DNAH11: variants seen among roughly 807,000 people sequenced by gnomAD.
DNAH11 encodes the protein dynein axonemal heavy chain 11, also known as axonemal beta dynein heavy chain 11.
A neutral mutation model predicts 526.0 loss-of-function variants in DNAH11; 442 were observed. The observed-to-expected ratio is 0.84, with a 90% CI of 0.78 to 0.91. DNAH11 has a LOEUF of 0.91. DNAH11 is among the 40% of genes least tolerant of loss of function. DNAH11 has a pLI of 0.00. For missense variants in DNAH11, 6,989 were observed against 5,448.7 expected, an observed-to-expected ratio of 1.28 and a Z score of -8.90; for synonymous variants, 2,461 against 1,935.9, an observed-to-expected ratio of 1.27 and a Z score of -7.12.
intron 79 of DNAH11, among the ~76,000 whole-genome samples, chr7:21,896,341 T>C (rs998764511): frequency 6.6e-6 from 1 of 152,164 alleles, no homozygotes; most frequent in African/African-American, 2.4e-5. Flanking sequence ...TCCTTCTTGA[T>C]TGATAGTTTA....
At chr7:21,746,758 T>A (rs1374896275) in intron 51 of DNAH11, among the ~76,000 whole-genome samples, 2 of 152,188 alleles carry the variant, frequency 1.3e-5, no homozygotes, top group African/African-American at 2.4e-5. Context: ...GTTGGTAGTT[T>A]TATTGATCCC....
chr7:21,775,867 C>T (rs781289609), intron 56 of DNAH11, among the ~76,000 whole-genome samples: 13 of 152,168 alleles, frequency 8.5e-5, no homozygotes, highest in Non-Finnish European at 1.6e-4. Flanking sequence ...AACCTGTTGA[C>T]TTTGCCCACT....
chr7:21,787,511 C>CCTGATT lies in DNAH11; in HGVS notation c.9854_9859dup (p.Leu3285_Ile3286dup). On this transcript the variant is annotated inframe_insertion, in exon 60 of 82. Coordinates refer to ENST00000409508, the MANE Select transcript of DNAH11 (RefSeq NM_001277115.2). ...TGAAAGACCCAGAGTTTAATCCAAA[C>CCTGATT]CTGATTCGAACCAAATCTTTTGCAG... 1 of 1,613,698 alleles carries CCTGATT rather than the reference C, an allele frequency of 6.2e-7. No individual in the cohort carries two copies. Among genetic ancestry groups the CCTGATT allele is most frequent in the Non-Finnish European group, 8.5e-7 (1 of 1,179,716 alleles).
Position 21,901,632 on chromosome 7 carries a change from A to G in DNAH11, c.*378A>G, listed in dbSNP as rs564479595. The G allele has an allele frequency of 6.2e-6, 1 of 160,558 alleles. No individual in the cohort carries two copies. The highest frequency in any genetic ancestry group is 2.4e-5 in the African/African-American group (1 of 41,684). The allele number at this position is 160,558 out of a possible 1,614,324, so 9.9% of individuals were successfully genotyped here. A position where few individuals can be genotyped will look rare whatever the true frequency, so the allele number is the denominator to read the frequency against. On this transcript the variant is annotated 3_prime_UTR_variant, in exon 82 of 82. Coordinates refer to ENST00000409508, the MANE Select transcript of DNAH11 (RefSeq NM_001277115.2). The stretch of plus-strand genomic sequence containing the variant: ...GAACATGCAAAAGCAATGCAGCCGG[A>G]AAGAACGGAGATTTTAATTTTTAAC...
At chr7:21,874,137 C>T (rs1783610079) in intron 74 of DNAH11, among the ~76,000 whole-genome samples, 2 of 151,962 alleles carry the variant, frequency 1.3e-5, no homozygotes, top group Admixed American at 6.6e-5. Flanking sequence ...TATCTCTGAC[C>T]ACAGAAAGAG....
chr7:21,595,733 C>G (rs1282321825), intron 14 of DNAH11, among the ~76,000 whole-genome samples: 1 of 151,808 alleles, frequency 6.6e-6, no homozygotes, highest in African/African-American at 2.4e-5. Context: ...GGGGTCCAAA[C>G]TGAAAACACA....
rs1178627892 is a variant in DNAH11, at chr7:21,639,038, T to C, written c.4917T>C (p.Ile1639=). The C allele has an allele frequency of 2.5e-6, 4 of 1,613,464 alleles. No homozygotes were observed. Among genetic ancestry groups the C allele is most frequent in the Non-Finnish European group, 2.5e-6 (3 of 1,179,672 alleles). Residue 1639 remains isoleucine (I), a synonymous_variant, in exon 28 of 82, where the codon ATT becomes ATC. Transcript: ENST00000409508. ...TCTCTTCTGCTGATTTACTTGACATTCTCTCAAAAGGAGCTCAGCCTAAAC... is the reference window on the plus strand; with the variant it reads ...TCTCTTCTGCTGATTTACTTGACATCCTCTCAAAAGGAGCTCAGCCTAAAC... The part of the protein sequence containing the change: ...YFVSSADLLD[I]LSKGAQPKQV...
intron 61 of DNAH11, among the ~76,000 whole-genome samples, chr7:21,792,166 A>G (rs1464492214): frequency 6.6e-6 from 1 of 152,216 alleles, no homozygotes; most frequent in African/African-American, 2.4e-5. Context: ...AGCATCTATT[A>G]AAATGATCAT....
At chr7:21,644,888 T>C (rs546611005) in intron 28 of DNAH11, among the ~76,000 whole-genome samples, 18 of 152,250 alleles carry the variant, frequency 1.2e-4, no homozygotes, top group Non-Finnish European at 1.9e-4. Context: ...ATAAATGCCA[T>C]AAATTATATA....
chr7:21,599,721 G>A (rs771271406), intron 14 of DNAH11, 66 bp from the exon 15 acceptor site: 58 of 1,204,616 alleles, frequency 4.8e-5, no homozygotes, highest in Non-Finnish European at 6.2e-5. Context: ...CTATTTAAAC[G>A]GAGAGTTTTA....
chr7:21,669,818 A>G (rs1335867778), intron 30 of DNAH11, among the ~76,000 whole-genome samples: 5 of 152,018 alleles, frequency 3.3e-5, no homozygotes, highest in African/African-American at 9.7e-5. Context: ...TTAATGTGGT[A>G]CCTTGGTTGA....
chr7:21,755,715 C>T (rs1562527892), intron 54 of DNAH11, among the ~76,000 whole-genome samples: 1 of 152,036 alleles, frequency 6.6e-6, no homozygotes, highest in Non-Finnish European at 1.5e-5. Context: ...TTCTATTTAC[C>T]TCTCACGCAG....
At chr7:21,688,981 C>A (rs551292783) in intron 34 of DNAH11, among the ~76,000 whole-genome samples, 27 of 152,206 alleles carry the variant, frequency 1.8e-4, no homozygotes, top group African/African-American at 5.5e-4. Flanking sequence ...TTTCAATGTC[C>A]CAAGGATTAT....
Position 21,601,628 on chromosome 7 carries a change from G to A in DNAH11, c.3648+10G>A. ...CTATATTCAGCTAGAGGTAAGTGCA[G>A]AGGTGAAATAATCATAATTACCATA... On this transcript the variant is annotated intron_variant, in intron 18 of 81. Coordinates refer to ENST00000409508, the MANE Select transcript of DNAH11 (RefSeq NM_001277115.2). The A allele has an allele frequency of 6.5e-7, 1 of 1,532,998 alleles. No individual in the cohort carries two copies. Among genetic ancestry groups the A allele is most frequent in the Non-Finnish European group, 8.8e-7 (1 of 1,136,772 alleles). The allele number at this position is 1,532,998 out of a possible 1,614,324, so 95.0% of individuals were successfully genotyped here.
rs756753955 is a variant in DNAH11 at position 21,600,848 on chromosome 7, C to T, written c.3173C>T (p.Ala1058Val). The T allele has an allele frequency of 1.9e-6, 3 of 1,613,790 alleles. No individual in the cohort carries two copies. The African/African-American group carries it at 4.0e-5, about 22-fold the overall frequency. ...AAGCATTTTCTCTTGTATGGCCATG[C>T]TGTGTCTTCCGATGAAATGGATGCT... ...FMKHFLLYGHAVSSDEMDAHA... is the reference protein window; with the variant it reads ...FMKHFLLYGHVVSSDEMDAHA... The change falls in exon 16 of 82, where the codon GCT (alanine) becomes GTT (valine). Residue 1058 changes from alanine to valine, a missense_variant. Physicochemically the swap from Ala to Val is moderately conservative, Grantham distance 64. Transcript: ENST00000409508.
intron 2 of DNAH11, among the ~76,000 whole-genome samples, chr7:21,556,890 C>T (rs756669403): frequency 5.9e-5 from 9 of 152,160 alleles, no homozygotes; most frequent in African/African-American, 1.4e-4. Context: ...TGCAAAATCT[C>T]GTCTCTACTA....
chr7:21,882,222 A>G (rs940723051), intron 75 of DNAH11, among the ~76,000 whole-genome samples: 1 of 152,166 alleles, frequency 6.6e-6, no homozygotes, highest in Non-Finnish European at 1.5e-5. Context: ...GTTTCTCTCC[A>G]GCTCTTACAT....
At chr7:21,784,580 A>G (rs756552253) in intron 58 of DNAH11, 40 bp downstream of exon 58, 20 of 1,441,444 alleles carry the variant, frequency 1.4e-5, no homozygotes, top group Non-Finnish European at 1.8e-5. Context: ...CCTCAAAGTA[A>G]TATTTAAAGG....
rs142589695 is a variant in DNAH11 at position 21,825,162 on chromosome 7, C to T, written c.10691+6823C>T. Reference sequence around the variant, plus strand: ...CTGAGATTACAGGCATGAGCCACCACACCGGGTCTATTACTGTGATATTCA... The same window carrying T: ...CTGAGATTACAGGCATGAGCCACCATACCGGGTCTATTACTGTGATATTCA... On this transcript the variant is annotated intron_variant, in intron 65 of 81. Transcript: ENST00000409508. Among the ~76,000 whole-genome samples the T allele has an allele frequency of 3.6e-3, 549 of 152,338 alleles. 7 individuals are homozygous for T. The highest frequency in any genetic ancestry group is 0.013 in the African/African-American group (528 of 41,584).
Sources: allele counts gnomAD v4.1 joint callset (sites outside exome capture counted in the v4.1 genomes callset), GRCh38; gene constraint gnomAD v4.1.1; transcripts MANE v1.5; gene names NCBI Gene and HGNC (gene_info 2026-07-23, HGNC 2026-07-21).